Variants in TMEM26 observed in about 807,000 individuals in gnomAD.
TMEM26 encodes transmembrane protein 26.
A neutral mutation model predicts 28.8 loss-of-function variants in TMEM26; 38 were observed. The observed-to-expected ratio is 1.32, with a 90% CI of 1.02 to 1.73. TMEM26 has a LOEUF of 1.73. Among genes scored for constraint, TMEM26 ranks in the 40% most tolerant of loss-of-function variants. The pLI, the probability that TMEM26 is intolerant of heterozygous loss-of-function variation, is 0.00. For missense variants in TMEM26, 518 were observed against 447.1 expected (o/e 1.16, Z -1.43); for synonymous variants, 227 against 182.9 (o/e 1.24, Z -1.95).
At chr10:61,422,012 C>T (rs1839757500) in intron 4 of TMEM26, among the ~76,000 whole-genome samples, 1 of 151,796 alleles carries the variant, frequency 6.6e-6, no homozygotes. Context: ...GCTGGAGTGC[C>T]TATATTTGTA....
At chr10:61,415,305 G>C (rs192425509) in intron 4 of TMEM26, among the ~76,000 whole-genome samples, 233 of 152,202 alleles carry the variant, frequency 1.5e-3, no homozygotes, top group Admixed American at 2.0e-3. Flanking sequence ...AAAATCATAG[G>C]TTGCTTCACA....
At chr10:61,416,202 A>T (rs1020094843) in intron 4 of TMEM26, 5 of 415,896 alleles carry the variant, frequency 1.2e-5, no homozygotes, top group African/African-American at 8.4e-5. Flanking sequence ...AGATCTTTTG[A>T]AGTTTCATCT....
At chr10:61,440,114 C>T (rs1374807171) in intron 1 of TMEM26, among the ~76,000 whole-genome samples, 2 of 151,918 alleles carry the variant, frequency 1.3e-5, no homozygotes, top group Non-Finnish European at 2.9e-5. Flanking sequence ...GTGGCTTGCA[C>T]CTGTAATCCC....
At position 61,410,255 on chromosome 10, in the gene TMEM26, A is replaced by T; in HGVS notation, c.*67T>A. On this transcript the variant is annotated 3_prime_UTR_variant, in exon 6 of 6. Coordinates refer to ENST00000399298, the MANE Select transcript of TMEM26 (RefSeq NM_178505.8). ...ATTATACGCCAAGGTTGGAGGAGAA[A>T]AAGGATCCTCCCTGTAAGAAGAACC... 1 of 1,479,108 alleles carries T rather than the reference A, an allele frequency of 6.8e-7. No individual in the cohort carries two copies. Among genetic ancestry groups the T allele is most frequent in the Non-Finnish European group, 9.1e-7 (1 of 1,100,526 alleles). The allele number at this position is 1,479,108 out of a possible 1,614,324, so 91.6% of individuals were successfully genotyped here.
chr10:61,420,505 C>A (rs1034829658), intron 4 of TMEM26, among the ~76,000 whole-genome samples: 2 of 152,024 alleles, frequency 1.3e-5, no homozygotes, highest in African/African-American at 2.4e-5. Flanking sequence ...TGGTCAGAAA[C>A]AATGAAGGCC....
At chr10:61,433,812 A>C (rs544118311) in intron 2 of TMEM26, among the ~76,000 whole-genome samples, 1 of 152,150 alleles carries the variant, frequency 6.6e-6, no homozygotes, top group Non-Finnish European at 1.5e-5. Context: ...CACAGAACAC[A>C]TAGCTGAGAA....
chr10:61,418,706 CTTGCTACTT>C (rs1839693999), intron 4 of TMEM26, among the ~76,000 whole-genome samples: 1 of 152,068 alleles, frequency 6.6e-6, no homozygotes. Context: ...AAATCTGTAG[CTTGCTACTT>C]TGAGACTGCA....
intron 4 of TMEM26, among the ~76,000 whole-genome samples, chr10:61,416,978 C>T (rs1014101585): frequency 6.6e-6 from 1 of 151,858 alleles, no homozygotes. Flanking sequence ...GAAAAACATA[C>T]TAGTGAAATT....
chr10:61,439,272 G>A (rs1035016256), intron 1 of TMEM26, among the ~76,000 whole-genome samples: 4 of 152,132 alleles, frequency 2.6e-5, no homozygotes, highest in Admixed American at 6.5e-5. Flanking sequence ...ATAAGACTTC[G>A]CTTTCCTAAT....
chr10:61,443,835 A>G (rs1043324616), intron 1 of TMEM26, among the ~76,000 whole-genome samples: 20 of 152,230 alleles, frequency 1.3e-4, no homozygotes, highest in African/African-American at 4.3e-4. Context: ...ATTACAATTG[A>G]AGTTGTTCAC....
At position 61,428,977 on chromosome 10, in the gene TMEM26, G is replaced by A. The variant is rs749078288; in HGVS notation, c.554C>T (p.Ala185Val). Residue 185 changes from alanine to valine, a missense_variant, in exon 4 of 6, where the codon GCG (alanine) becomes GTG (valine). Ala to Val is a moderately conservative substitution (Grantham distance 64, BLOSUM62 0). Coordinates refer to ENST00000399298, the MANE Select transcript of TMEM26 (RefSeq NM_178505.8). The part of the protein sequence containing the change: ...SQLLLMFVGT[A>V]ADILEFTSET... ...ACTTGTGAATTCCAGTATGTCAGCCGCTGTCCCCACAAACATAAGAAGAAG... is the reference window on the plus strand; with the variant it reads ...ACTTGTGAATTCCAGTATGTCAGCCACTGTCCCCACAAACATAAGAAGAAG... The A allele has an allele frequency of 1.3e-5, 21 of 1,612,984 alleles. No homozygotes were observed. The highest frequency in any genetic ancestry group is 1.6e-4 in the Middle Eastern group (1 of 6,082).
At chr10:61,419,441 C>T (rs1330356225) in intron 4 of TMEM26, among the ~76,000 whole-genome samples, 1 of 152,000 alleles carries the variant, frequency 6.6e-6, no homozygotes, top group East Asian at 1.9e-4. Flanking sequence ...AGTCTCATGG[C>T]AATGACTCAA....
At chr10:61,411,795 T>C (rs1326657323) in intron 5 of TMEM26, among the ~76,000 whole-genome samples, 1 of 152,192 alleles carries the variant, frequency 6.6e-6, no homozygotes, top group African/African-American at 2.4e-5. Context: ...AGCCTTCCAT[T>C]TGGAGTTTTC....
chr10:61,435,119 TAG>T (rs1839982565), intron 2 of TMEM26, among the ~76,000 whole-genome samples: 1 of 152,188 alleles, frequency 6.6e-6, no homozygotes, highest in Admixed American at 6.5e-5. Flanking sequence ...GACTGCTTAT[TAG>T]AGTTGTCTGT....
At chr10:61,436,123 T>C (rs773217683) in intron 2 of TMEM26, 47 bp downstream of exon 2, 5 of 1,206,054 alleles carry the variant, frequency 4.1e-6, no homozygotes, top group East Asian at 4.7e-5. Flanking sequence ...ACTGTGAAAG[T>C]AGCTTATTGC....
rs776222196 is a variant in TMEM26 at position 61,410,375 on chromosome 10, T to A, written c.1054A>T (p.Ile352Phe). The change falls in exon 6 of 6, where the codon ATT (isoleucine) becomes TTT (phenylalanine). Residue 352 changes from isoleucine to phenylalanine, a missense_variant. By Grantham distance (21) the Ile-to-Phe change is conservative. Coordinates refer to ENST00000399298, the MANE Select transcript of TMEM26 (RefSeq NM_178505.8). ...GTGACTGGGGAGCCCCGCAAAGGAA[T>A]AGCCAGGCCCTCCTTAGACTCGTTC... ...WQNESKEGLA[I>F]PLRGSPVTSD... 1.9e-6 allele frequency: 3 copies of A among 1,613,974 alleles called. No homozygotes were observed. The highest frequency in any genetic ancestry group is 1.7e-6 in the Non-Finnish European group (2 of 1,179,994).
chr10:61,443,210 T>TG (rs1472698615), intron 1 of TMEM26, among the ~76,000 whole-genome samples: 1 of 150,980 alleles, frequency 6.6e-6, no homozygotes, highest in African/African-American at 2.4e-5. Flanking sequence ...CCCAGCCCTT[T>TG]GAGAGGCCGA....
intron 4 of TMEM26, chr10:61,416,176 A>G (rs578064204): frequency 9.5e-6 from 4 of 422,604 alleles, no homozygotes; most frequent in South Asian, 6.9e-5. Context: ...AATAGATGCA[A>G]AAGAAATTTT....
intron 1 of TMEM26, among the ~76,000 whole-genome samples, chr10:61,445,447 A>G (rs982587277): frequency 6.6e-6 from 1 of 152,224 alleles, no homozygotes; most frequent in Non-Finnish European, 1.5e-5. Context: ...TAATAAGTGG[A>G]TAACATTAAG....
Sources: allele counts gnomAD v4.1 joint callset (sites outside exome capture counted in the v4.1 genomes callset), GRCh38; gene constraint gnomAD v4.1.1; transcripts MANE v1.5; gene names NCBI Gene and HGNC (gene_info 2026-07-23, HGNC 2026-07-21).